SMC5: variants seen among roughly 807,000 people sequenced by gnomAD.
SMC5 encodes the protein structural maintenance of chromosomes protein 5.
In SMC5, 88 loss-of-function variants were observed where a neutral mutation model predicts 148.3. The ratio of observed to expected loss-of-function variants is 0.59; its 90% CI spans 0.50 to 0.71. The LOEUF (loss-of-function observed/expected upper bound fraction) is 0.71, where lower values mean the gene tolerates loss of function less well. SMC5 is among the 30% of genes least tolerant of loss of function. The pLI is 0.00. For missense variants in SMC5, 1,142 were observed against 1,298.9 expected, an observed-to-expected ratio of 0.88 and a Z score of 1.86; for synonymous variants, 421 against 432.8, an observed-to-expected ratio of 0.97 and a Z score of 0.34.
chr9:70,287,354 T>C (rs2034933176), intron 8 of SMC5, among the ~76,000 whole-genome samples: 1 of 152,192 alleles, frequency 6.6e-6, no homozygotes, highest in Non-Finnish European at 1.5e-5. Flanking sequence ...TGGTTCTCTT[T>C]ATGGTTAAAA....
Position 70,278,592 on chromosome 9 carries a change from C to T in SMC5, c.645C>T (p.Leu215=). The T allele has an allele frequency of 6.2e-7, 1 of 1,608,956 alleles. No homozygotes were observed. The change falls in exon 5 of 25, where the codon CTC becomes CTT. Residue 215 remains leucine, a synonymous_variant. Coordinates refer to ENST00000361138, the MANE Select transcript of SMC5 (RefSeq NM_015110.4). The part of the protein sequence containing the change: ...PPEMHKYHCE[L]KNLREKEKQL... Reference sequence around the variant, plus strand: ...AAATGCACAAATATCACTGTGAACTCAAAAACTTAAGGGAGAAAGAAAAAC... The same window carrying T: ...AAATGCACAAATATCACTGTGAACTTAAAAACTTAAGGGAGAAAGAAAAAC...
chr9:70,289,948 A>C (rs2035014791), intron 8 of SMC5, among the ~76,000 whole-genome samples: 1 of 151,892 alleles, frequency 6.6e-6, no homozygotes, highest in South Asian at 2.1e-4. Flanking sequence ...GAAATCTAAA[A>C]ATGCTCCAAA....
rs59694037 is a variant in SMC5, at chr9:70,309,318, C to CTTTTTTTTT, written c.1578+3981_1578+3989dup. Reference sequence around the variant, plus strand: ...ATAGCAGAATTTCTTTTTCCTTTTCCTTTTTTTTTTTTTTTTTTTTTTTTT... The same window carrying CTTTTTTTTT: ...ATAGCAGAATTTCTTTTTCCTTTTCCTTTTTTTTTTTTTTTTTTTTTTTTTTTTTTTTTT... On this transcript the variant is annotated intron_variant, in intron 11 of 24. Coordinates refer to ENST00000361138, the MANE Select transcript of SMC5 (RefSeq NM_015110.4). Among the ~76,000 whole-genome samples the CTTTTTTTTT allele has an allele frequency of 4.1e-3, 323 of 79,108 alleles. 23 individuals are homozygous for CTTTTTTTTT. The highest frequency in any genetic ancestry group is 5.7e-3 in the Non-Finnish European group (245 of 42,784). The allele number at this position is 79,108 out of a possible 152,430, so 51.9% of individuals were successfully genotyped here. A position where few individuals can be genotyped will look rare whatever the true frequency, so the allele number is the denominator to read the frequency against.
In SMC5 at chr9:70,300,052, A is replaced by G. The variant is rs2035316011; in HGVS notation, c.1316A>G (p.Asp439Gly). The G allele has an allele frequency of 6.4e-7, 1 of 1,566,456 alleles. No individual in the cohort carries two copies. The highest frequency in any genetic ancestry group is 8.6e-7 in the Non-Finnish European group (1 of 1,165,870). Reference protein sequence around the residue: ...ETLEKEKKSVDDHIVRFDNLM... With the variant: ...ETLEKEKKSVGDHIVRFDNLM... ...TTTTGTTTTACAATTTTAGGTGTGG[A>G]CGATCATATTGTACGTTTTGACAAT... Residue 439 changes from aspartate to glycine, a missense_variant, in exon 10 of 25, where the codon GAC becomes GGC. By Grantham distance (94) the Asp-to-Gly change is moderately conservative. Coordinates refer to ENST00000361138, the MANE Select transcript of SMC5 (RefSeq NM_015110.4).
chr9:70,308,666 C>T (rs1454030306), intron 11 of SMC5, among the ~76,000 whole-genome samples: 1 of 150,824 alleles, frequency 6.6e-6, no homozygotes, highest in African/African-American at 2.4e-5. Flanking sequence ...CCCACCGTGC[C>T]TCTATTAATG....
At chr9:70,313,047 A>G (rs772987407) in intron 11 of SMC5, among the ~76,000 whole-genome samples, 27 of 152,196 alleles carry the variant, frequency 1.8e-4, no homozygotes, top group Non-Finnish European at 3.7e-4. Flanking sequence ...GAATTTTTAT[A>G]GTAAATTGAG....
chr9:70,350,465 A>C lies in SMC5; in HGVS notation c.3159A>C (p.Thr1053=), dbSNP rs1423686769. 1.9e-6 allele frequency: 3 copies of C among 1,584,544 alleles called. No individual in the cohort carries two copies. The highest frequency in any genetic ancestry group is 2.6e-6 in the Non-Finnish European group (3 of 1,168,486). ...ATACATCTCAATACTTTTTCATAAC[A>C]CCAAAGGTAGGTAAAAAGTAACCTA... ...KENTSQYFFI[T]PKLLQNLPYS... is the part of the protein sequence containing the mutation. The change falls in exon 24 of 25, where the codon ACA becomes ACC. Residue 1053 remains threonine (T), a synonymous_variant. Transcript: ENST00000361138.
At chr9:70,279,447 A>T (rs1372623133) in intron 5 of SMC5, among the ~76,000 whole-genome samples, 1 of 152,062 alleles carries the variant, frequency 6.6e-6, no homozygotes, top group Non-Finnish European at 1.5e-5. Context: ...TGAGCCAAGG[A>T]GGTCAAGGTT....
rs774306337 is a variant in SMC5, at chr9:70,347,638, A to C, written c.2690A>C (p.Glu897Ala). 6.3e-7 allele frequency: 1 copy of C among 1,575,994 alleles called. No individual in the cohort carries two copies. Among genetic ancestry groups the C allele is most frequent in the South Asian group, 1.2e-5 (1 of 84,600 alleles). The change falls in exon 21 of 25, where the codon GAA (glutamate) becomes GCA (alanine). Residue 897 changes from glutamate (E) to alanine (A), a missense_variant. This residue lies in a region of SMC5 where 743 missense variants were observed against 835.7 expected (regional missense o/e 0.89). Transcript: ENST00000361138. Reference sequence around the variant, plus strand: ...ATTGTTCAGGAATATACAAAAAGAGAAGAAGAAATAGAACAGTTAACTGAG... The same window carrying C: ...ATTGTTCAGGAATATACAAAAAGAGCAGAAGAAATAGAACAGTTAACTGAG... ...PTIVQEYTKREEEIEQLTEEL... is the reference protein window; with the variant it reads ...PTIVQEYTKRAEEIEQLTEEL...
intron 2 of SMC5, among the ~76,000 whole-genome samples, chr9:70,264,684 GTC>G (rs1005799562): frequency 4.6e-5 from 7 of 152,068 alleles, no homozygotes; most frequent in Admixed American, 6.5e-5. Context: ...AATGTAATAT[GTC>G]TTTTTTTTTA....
intron 8 of SMC5, among the ~76,000 whole-genome samples, chr9:70,295,089 G>A (rs575968327): frequency 6.6e-6 from 1 of 152,122 alleles, no homozygotes; most frequent in Non-Finnish European, 1.5e-5. Context: ...TGAAATAATG[G>A]CAGGAAAAGG....
At position 70,259,102 on chromosome 9, in the gene SMC5, G is replaced by C. The variant is rs1183564675; in HGVS notation, c.24G>C (p.Thr8=). MATPSKK[T]STPSPQPSKR... ...GGATGGCGACTCCGAGCAAGAAGACGTCAACTCCAAGCCCCCAGCCTTCCA... is the reference window on the plus strand; with the variant it reads ...GGATGGCGACTCCGAGCAAGAAGACCTCAACTCCAAGCCCCCAGCCTTCCA... The change falls in exon 1 of 25, where the codon ACG becomes ACC. Residue 8 remains threonine (T), a synonymous_variant. Coordinates refer to ENST00000361138, the MANE Select transcript of SMC5 (RefSeq NM_015110.4). 2 of 1,610,198 alleles carry C rather than the reference G, an allele frequency of 1.2e-6. No individual in the cohort carries two copies. Among genetic ancestry groups the C allele is most frequent in the African/African-American group, 2.7e-5 (2 of 74,784 alleles).
chr9:70,295,423 A>G (rs1319131026), intron 8 of SMC5, among the ~76,000 whole-genome samples: 1 of 147,962 alleles, frequency 6.8e-6, no homozygotes, highest in Non-Finnish European at 1.5e-5. Flanking sequence ...GTGAGCTGAG[A>G]TTGCACCACT....
At chr9:70,289,608 T>G (rs2035005610) in intron 8 of SMC5, among the ~76,000 whole-genome samples, 1 of 152,086 alleles carries the variant, frequency 6.6e-6, no homozygotes, top group South Asian at 2.1e-4. Flanking sequence ...TTATTATACT[T>G]TTTACTTGAT....
intron 7 of SMC5, among the ~76,000 whole-genome samples, chr9:70,284,592 T>G (rs2034847514): frequency 6.6e-6 from 1 of 152,208 alleles, no homozygotes; most frequent in African/African-American, 2.4e-5. Flanking sequence ...AGGAAACATA[T>G]TTAACCCTTT....
chr9:70,279,817 C>CAAAA (rs561567100), intron 5 of SMC5, among the ~76,000 whole-genome samples: 9 of 56,602 alleles, frequency 1.6e-4, no homozygotes, highest in East Asian at 1.1e-3. Flanking sequence ...AACTCCGTTT[C>CAAAA]AAAAAAAAAA....
intron 2 of SMC5, among the ~76,000 whole-genome samples, chr9:70,265,716 G>A (rs972179013): frequency 6.6e-6 from 1 of 152,094 alleles, no homozygotes; most frequent in Non-Finnish European, 1.5e-5. Context: ...AGTAGATGTA[G>A]CTGCATTAAT....
chr9:70,314,828 T>C lies in SMC5; in HGVS notation c.1665T>C (p.Asn555=), dbSNP rs2035752574. 5 of 1,527,600 alleles carry C rather than the reference T, an allele frequency of 3.3e-6. No individual in the cohort carries two copies. Among genetic ancestry groups the C allele is most frequent in the African/African-American group, 1.4e-5 (1 of 72,202 alleles). The allele number at this position is 1,527,600 out of a possible 1,614,324, so 94.6% of individuals were successfully genotyped here. ...ACAAAGCACCTTCAAGATCTTTGAA[T>C]GAACTTAAGTAAGTCTTGAAAATAC... The part of the protein sequence containing the change: ...YADKAPSRSL[N]ELKQYGFFSY... The change falls in exon 12 of 25, where the codon AAT becomes AAC. Residue 555 remains asparagine, a synonymous_variant. Coordinates refer to ENST00000361138, the MANE Select transcript of SMC5 (RefSeq NM_015110.4).
Position 70,282,490 on chromosome 9 carries a change from C to T in SMC5, c.888C>T (p.Val296=). ...TTCGTGACCGAGTGAAGGAAGAGGTCAGAAAACTTAAAGAAGGGCAGATTC... is the reference window on the plus strand; with the variant it reads ...TTCGTGACCGAGTGAAGGAAGAGGTTAGAAAACTTAAAGAAGGGCAGATTC... ...KLVRDRVKEE[V]RKLKEGQIPV... The change falls in exon 7 of 25, where the codon GTC becomes GTT. Residue 296 remains valine, a synonymous_variant. Transcript: ENST00000361138. 6.2e-7 allele frequency: 1 copy of T among 1,607,876 alleles called. No homozygotes were observed. The highest frequency in any genetic ancestry group is 1.1e-5 in the South Asian group (1 of 89,096).
Sources: allele counts gnomAD v4.1 joint callset (sites outside exome capture counted in the v4.1 genomes callset), GRCh38; gene constraint gnomAD v4.1.1; regional missense constraint gnomAD v4.1.1; transcripts MANE v1.5; gene names NCBI Gene and HGNC (gene_info 2026-07-23, HGNC 2026-07-21).